UGT1A7: variants seen among roughly 807,000 people sequenced by gnomAD.
The protein encoded by UGT1A7 is UDP-glucuronosyltransferase 1A7.
In UGT1A7, 33 loss-of-function variants were observed where a neutral mutation model predicts 45.6. That is an observed-to-expected ratio of 0.72 (90% CI 0.55 to 0.97). The LOEUF (loss-of-function observed/expected upper bound fraction) is 0.97. Among genes scored for constraint, UGT1A7 ranks in the 50% least tolerant of loss-of-function variants. UGT1A7 has a pLI of 0.00. For synonymous variants in UGT1A7, 274 were observed against 250.6 expected (o/e 1.09, Z -0.88); for missense variants, 684 against 666.2 (o/e 1.03, Z -0.29).
chr2:233,747,677 C>T (rs1693749061), intron 1 of UGT1A7: 1 of 1,606,758 alleles, frequency 6.2e-7, no homozygotes, highest in Non-Finnish European at 8.5e-7. Context: ...ACCCAATTTA[C>T]CTCTGTGGGG....
At chr2:233,697,702 C>T (rs971545234) in intron 1 of UGT1A7, among the ~76,000 whole-genome samples, 6 of 151,892 alleles carry the variant, frequency 4.0e-5, no homozygotes, top group Non-Finnish European at 4.4e-5. Context: ...TGGATGTAGG[C>T]ATTTATTGTT....
At chr2:233,734,546 C>T (rs975748353) in intron 1 of UGT1A7, among the ~76,000 whole-genome samples, 34 of 152,032 alleles carry the variant, frequency 2.2e-4, no homozygotes, top group East Asian at 1.9e-4. Flanking sequence ...TATTTCTTCC[C>T]TTCTGCTAGC....
At chr2:233,685,738 T>A (rs1249297819) in intron 1 of UGT1A7, among the ~76,000 whole-genome samples, 1 of 152,232 alleles carries the variant, frequency 6.6e-6, no homozygotes, top group Non-Finnish European at 1.5e-5. Flanking sequence ...TCTTTCTCCA[T>A]TTTTTCTTCC....
intron 1 of UGT1A7, chr2:233,754,913 C>T (rs778952229): frequency 7.4e-7 from 1 of 1,353,756 alleles, no homozygotes; most frequent in African/African-American, 1.5e-5. Context: ...AAATATTCTC[C>T]AGCGGGTTTC....
chr2:233,728,324 C>T (rs1309797848), intron 1 of UGT1A7, among the ~76,000 whole-genome samples: 1 of 152,194 alleles, frequency 6.6e-6, no homozygotes, highest in Non-Finnish European at 1.5e-5. Context: ...GGCCAGGCTC[C>T]AGCTCCCCCA....
At chr2:233,690,794 CA>C in intron 1 of UGT1A7, 3 of 1,143,930 alleles carry the variant, frequency 2.6e-6, no homozygotes, top group South Asian at 1.9e-5. Flanking sequence ...CACACACACA[CA>C]CACACCATTC....
At chr2:233,721,551 A>AGT (rs1303257041) in intron 1 of UGT1A7, 1 of 163,364 alleles carries the variant, frequency 6.1e-6, no homozygotes, top group African/African-American at 2.4e-5. Context: ...TTTTTTCTTC[A>AGT]GTTTCTTCTG....
intron 1 of UGT1A7, chr2:233,719,328 G>C: frequency 2.5e-6 from 4 of 1,613,970 alleles, no homozygotes; most frequent in Non-Finnish European, 3.4e-6. Context: ...GATTCCTGCT[G>C]TGTTTTTTTG....
chr2:233,769,998 C>A lies in UGT1A7; in HGVS notation c.1295+1559C>A. The stretch of plus-strand genomic sequence containing the variant: ...AGGATGTCCTGCTCACATATCAATA[C>A]CATTAAAACCTGACTTCTTTCCCTG... On this transcript the variant is annotated intron_variant, in intron 4 of 4. Coordinates refer to ENST00000373426, the MANE Select transcript of UGT1A7 (RefSeq NM_019077.3). The surrounding 1 kb of genome is among the most constrained non-coding windows in gnomAD (Gnocchi z 4.4). 5.7e-6 allele frequency: 1 copy of A among 174,584 alleles called. No homozygotes were observed. The highest frequency in any genetic ancestry group is 1.2e-5 in the Non-Finnish European group (1 of 82,536). The allele number at this position is 174,584 out of a possible 1,614,324, so 10.8% of individuals were successfully genotyped here. A position where few individuals can be genotyped will look rare whatever the true frequency, so the allele number is the denominator to read the frequency against.
intron 2 of UGT1A7, 140 bp downstream of exon 2, chr2:233,767,305 GTTTT>G: frequency 4.6e-6 from 7 of 1,519,176 alleles, no homozygotes; most frequent in Non-Finnish European, 4.4e-6. Context: ...TAATCCAAAG[GTTTT>G]TTTTGTTGTT....
intron 1 of UGT1A7, chr2:233,747,117 G>A: frequency 1.4e-6 from 2 of 1,451,680 alleles, no homozygotes; most frequent in Admixed American, 2.0e-5. Context: ...ATGATGATTT[G>A]CTAAGTGGCT....
At chr2:233,760,137 C>G (rs1317655516) in intron 1 of UGT1A7, 2 of 1,403,084 alleles carry the variant, frequency 1.4e-6, no homozygotes, top group Non-Finnish European at 1.9e-6. Context: ...TTCTTTATCT[C>G]TGAAAGTGAA....
chr2:233,696,771 T>C (rs2075358404), intron 1 of UGT1A7, among the ~76,000 whole-genome samples: 1 of 152,200 alleles, frequency 6.6e-6, no homozygotes, highest in South Asian at 2.1e-4. Flanking sequence ...TTATCATATA[T>C]GGATTTTATT....
intron 1 of UGT1A7, among the ~76,000 whole-genome samples, chr2:233,687,032 G>A (rs1469264089): frequency 2.0e-5 from 3 of 152,216 alleles, no homozygotes; most frequent in Non-Finnish European, 2.9e-5. Flanking sequence ...GTTCAATGTA[G>A]TGTTTGAGCA....
intron 1 of UGT1A7, chr2:233,712,956 G>A: frequency 1.2e-6 from 2 of 1,612,860 alleles, no homozygotes; most frequent in Non-Finnish European, 1.7e-6. Flanking sequence ...GGCACAACGT[G>A]GGGTGGACAG....
rs1014873450 is a variant in UGT1A7, at chr2:233,765,562, T to G, written c.856-1472T>G. Among the ~76,000 whole-genome samples, 9 of 151,822 alleles carry G rather than the reference T, an allele frequency of 5.9e-5. No homozygotes were observed. In the East Asian group the frequency reaches 1.7e-3, roughly 29 times the overall value. Reference sequence around the variant, plus strand: ...ATAAGTGGGAGTTGAACAGTGAGAATGCGTAGACGCAGGGAGGGGAACAAC... The same window carrying G: ...ATAAGTGGGAGTTGAACAGTGAGAAGGCGTAGACGCAGGGAGGGGAACAAC... On this transcript the variant is annotated intron_variant, in intron 1 of 4. Transcript: ENST00000373426.
chr2:233,688,451 A>T (rs568625749), intron 1 of UGT1A7, among the ~76,000 whole-genome samples: 2 of 152,324 alleles, frequency 1.3e-5, no homozygotes, highest in East Asian at 3.9e-4. Flanking sequence ...CCCTGTGTTG[A>T]CAGGAAACTT....
chr2:233,725,264 G>GGAGGCAGAGGCAGAGGAGGCA (rs2077414682), intron 1 of UGT1A7, among the ~76,000 whole-genome samples: 1 of 58,548 alleles, frequency 1.7e-5, no homozygotes, highest in Admixed American at 1.5e-4. Context: ...CAGAGGCAGA[G>GGAGGCAGAGGCAGAGGAGGCA]GAGGCAGAGG....
At chr2:233,722,301 CCTTA>C (rs1342676069) in intron 1 of UGT1A7, among the ~76,000 whole-genome samples, 2 of 152,042 alleles carry the variant, frequency 1.3e-5, no homozygotes, top group Non-Finnish European at 2.9e-5. Context: ...ATTTTGTCAC[CCTTA>C]CTTACTTGGT....
Sources: gnomAD v4.1 joint callset for allele counts (sites outside exome capture counted in the v4.1 genomes callset) on GRCh38, gnomAD v4.1.1 for gene constraint, Gnocchi (gnomAD v3.1) non-coding constraint, MANE v1.5 for transcripts, NCBI Gene and HGNC (gene_info 2026-07-23, HGNC 2026-07-21) for gene names.